ESRRG: variants seen among roughly 807,000 people sequenced by gnomAD.
The protein encoded by ESRRG is estrogen related receptor gamma.
Under a neutral mutation model 44.0 loss-of-function variants are expected in ESRRG, and 13 were observed. The ratio of observed to expected loss-of-function variants is 0.30; its 90% confidence interval spans 0.19 to 0.47. The LOEUF is 0.47. Ranked by LOEUF, ESRRG falls within the 20% of genes least tolerant of loss-of-function variation. The pLI is 1.00. For synonymous variants in ESRRG, 215 were observed against 214.6 expected (o/e 1.00, Z -0.02); for missense variants, 395 against 580.6 (o/e 0.68, Z 3.29).
chr1:216,506,515 G>A lies in ESRRG; in HGVS notation c.*424C>T. The A allele has an allele frequency of 5.3e-6, 2 of 375,736 alleles. No homozygotes were observed. Among genetic ancestry groups the A allele is most frequent in the Admixed American group, 3.5e-5 (1 of 28,844 alleles). 23.3% of individuals were successfully genotyped at this position (375,736 alleles called of 1,614,324 possible). A position where few individuals can be genotyped will look rare whatever the true frequency, so the allele number is the denominator to read the frequency against. Reference sequence around the variant, plus strand: ...AAGGGAAAGGAAAGGGGGAAGGGAGGATTTTTTTTTAAACTAAAGCTATTT... The same window carrying A: ...AAGGGAAAGGAAAGGGGGAAGGGAGAATTTTTTTTTAAACTAAAGCTATTT... On this transcript the variant is annotated 3_prime_UTR_variant, in exon 7 of 7. Transcript: ENST00000408911.
chr1:216,911,259 T>C (rs1214277015), intron 2 of ESRRG, among the ~76,000 whole-genome samples: 1 of 152,166 alleles, frequency 6.6e-6, no homozygotes, highest in African/African-American at 2.4e-5. Context: ...AAATAAACTA[T>C]GGTACATCGA....
At chr1:216,774,560 C>G (rs1001014698) in intron 2 of ESRRG, among the ~76,000 whole-genome samples, 1 of 152,072 alleles carries the variant, frequency 6.6e-6, no homozygotes, top group African/African-American at 2.4e-5. Flanking sequence ...TTCAAATATA[C>G]CACTGCGTAC....
At chr1:216,578,721 A>C (rs1056172916) in intron 3 of ESRRG, among the ~76,000 whole-genome samples, 1 of 152,154 alleles carries the variant, frequency 6.6e-6, no homozygotes, top group African/African-American at 2.4e-5. Context: ...AGCAAAGAAA[A>C]AACAGCAGAG....
At chr1:216,989,155 TA>T (rs1427666317) in intron 1 of ESRRG, among the ~76,000 whole-genome samples, 1 of 152,092 alleles carries the variant, frequency 6.6e-6, no homozygotes, top group Non-Finnish European at 1.5e-5. Flanking sequence ...GGTGTCTTTT[TA>T]TTTAAAAAGG....
At chr1:216,703,226 T>C (rs1195422894) in intron 1 of ESRRG, among the ~76,000 whole-genome samples, 1 of 152,198 alleles carries the variant, frequency 6.6e-6, no homozygotes, top group African/African-American at 2.4e-5. Context: ...AGCTTTTGGC[T>C]TTCCTGGGTC....
chr1:216,821,687 G>GAAAAAAAAAAAAAAAAAAAAAAAAA lies in ESRRG; in HGVS notation c.-14+117894_-14+117895insTTTTTTTTTTTTTTTTTTTTTTTTT, dbSNP rs1251334274. Among the ~76,000 whole-genome samples, 8 of 54,188 alleles carry GAAAAAAAAAAAAAAAAAAAAAAAAA rather than the reference G, an allele frequency of 1.5e-4. 1 individual carries two copies. Among genetic ancestry groups the GAAAAAAAAAAAAAAAAAAAAAAAAA allele is most frequent in the Non-Finnish European group, 2.0e-4 (5 of 25,078 alleles). The allele number at this position is 54,188 out of a possible 152,430, so 35.5% of individuals were successfully genotyped here. ...GCGACAGAACAAGAACCTGCCTCAG[G>GAAAAAAAAAAAAAAAAAAAAAAAAA]AAAAATAAATAAATAAATAAATAAA... On this transcript the variant is annotated intron_variant, in intron 2 of 7. Transcript: ENST00000359162.
At chr1:216,833,081 T>C (rs530268441) in intron 2 of ESRRG, among the ~76,000 whole-genome samples, 1 of 152,250 alleles carries the variant, frequency 6.6e-6, no homozygotes, top group East Asian at 1.9e-4. Flanking sequence ...ATTACAGCAG[T>C]ACTGAACAAT....
intron 1 of ESRRG, among the ~76,000 whole-genome samples, chr1:217,050,250 C>T (rs777739824): frequency 3.3e-5 from 5 of 152,088 alleles, no homozygotes; most frequent in Non-Finnish European, 5.9e-5. Context: ...GATTCTTTGG[C>T]CCAGAGAAGT....
chr1:217,066,470 T>A (rs1171784074), intron 1 of ESRRG, among the ~76,000 whole-genome samples: 1 of 151,994 alleles, frequency 6.6e-6, no homozygotes, highest in Non-Finnish European at 1.5e-5. Flanking sequence ...CTCGATCTCC[T>A]GACCTCGTGA....
intron 2 of ESRRG, among the ~76,000 whole-genome samples, chr1:216,821,689 A>AAAATAAAT (rs199753545): frequency 2.7e-5 from 3 of 113,126 alleles, no homozygotes; most frequent in East Asian, 2.6e-4. Flanking sequence ...TGCCTCAGGA[A>AAAATAAAT]AAATAAATAA....
chr1:216,927,793 C>A (rs2062794173), intron 2 of ESRRG, among the ~76,000 whole-genome samples: 1 of 152,204 alleles, frequency 6.6e-6, no homozygotes, highest in Admixed American at 6.5e-5. Flanking sequence ...AGAGCACTAG[C>A]TTTGCATGGG....
At chr1:216,629,353 G>A (rs1385311709) in intron 3 of ESRRG, among the ~76,000 whole-genome samples, 1 of 151,890 alleles carries the variant, frequency 6.6e-6, no homozygotes, top group Non-Finnish European at 1.5e-5. Flanking sequence ...TTTTTCTTAA[G>A]CATAAAGTAT....
intron 5 of ESRRG, among the ~76,000 whole-genome samples, chr1:216,539,268 T>G (rs1019453696): frequency 1.4e-4 from 21 of 152,086 alleles, no homozygotes; most frequent in African/African-American, 4.8e-4. Context: ...GCTGACAATT[T>G]CTTTATTTAG....
chr1:216,689,710 T>G (rs1468590842), intron 1 of ESRRG, among the ~76,000 whole-genome samples: 1 of 152,070 alleles, frequency 6.6e-6, no homozygotes, highest in Non-Finnish European at 1.5e-5. Context: ...GAGACCTGAA[T>G]AAATATGCCT....
At chr1:216,696,509 A>T (rs2080191589) in intron 1 of ESRRG, among the ~76,000 whole-genome samples, 1 of 152,354 alleles carries the variant, frequency 6.6e-6, no homozygotes, top group Admixed American at 6.5e-5. Flanking sequence ...AAAAAAGGTA[A>T]CTTAGTCCTT....
intron 6 of ESRRG, among the ~76,000 whole-genome samples, chr1:216,507,625 T>C (rs969741537): frequency 3.3e-5 from 5 of 152,198 alleles, no homozygotes; most frequent in Non-Finnish European, 7.3e-5. Context: ...AGCCAATATT[T>C]CCCAAACAGG....
chr1:216,553,804 C>T (rs986707102), intron 5 of ESRRG, among the ~76,000 whole-genome samples: 2 of 152,000 alleles, frequency 1.3e-5, no homozygotes, highest in Non-Finnish European at 2.9e-5. Flanking sequence ...ATTCCTGACA[C>T]TCGCTATAGG....
chr1:217,085,937 A>T (rs2092061783), intron 1 of ESRRG, among the ~76,000 whole-genome samples: 1 of 152,178 alleles, frequency 6.6e-6, no homozygotes, highest in Non-Finnish European at 1.5e-5. Context: ...CAACCTAAAA[A>T]CTGAATTGCA....
chr1:217,087,761 G>A (rs1256699899), intron 1 of ESRRG, among the ~76,000 whole-genome samples: 1 of 152,182 alleles, frequency 6.6e-6, no homozygotes, highest in Non-Finnish European at 1.5e-5. Flanking sequence ...AAAGAGTTAT[G>A]AGAATTGCTT....
Sources: allele counts gnomAD v4.1 joint callset (sites outside exome capture counted in the v4.1 genomes callset), GRCh38; gene constraint gnomAD v4.1.1; transcripts MANE v1.5; gene names NCBI Gene and HGNC (gene_info 2026-07-23, HGNC 2026-07-21).